Variants in DAPK1 observed in about 807,000 individuals in gnomAD.
DAPK1 encodes death associated protein kinase 1.
Under a neutral mutation model 144.9 loss-of-function variants are expected in DAPK1, and 56 were observed. The ratio of observed to expected loss-of-function variants is 0.39; its 90% confidence interval spans 0.31 to 0.48. The LOEUF is 0.48. Among genes scored for constraint, DAPK1 ranks in the 20% least tolerant of loss-of-function variants. DAPK1 has a pLI of 0.95. For synonymous variants in DAPK1, 690 were observed against 749.0 expected (o/e 0.92, Z 1.29); for missense variants, 1,454 against 1,875.4 (o/e 0.78, Z 4.15).
At chr9:87,695,767 A>T (rs548606159) in intron 21 of DAPK1, among the ~76,000 whole-genome samples, 3 of 152,238 alleles carry the variant, frequency 2.0e-5, no homozygotes, top group Admixed American at 2.0e-4. Flanking sequence ...GTCCCTGTTG[A>T]GCCAAATTCA....
At chr9:87,661,874 G>A (rs894160874) in intron 18 of DAPK1, among the ~76,000 whole-genome samples, 25 of 152,050 alleles carry the variant, frequency 1.6e-4, no homozygotes, top group Admixed American at 2.6e-4. Context: ...ATGCTTTTGA[G>A]GTCTTAGTCA....
At chr9:87,691,156 T>G (rs1453441790) in intron 21 of DAPK1, among the ~76,000 whole-genome samples, 1 of 152,036 alleles carries the variant, frequency 6.6e-6, no homozygotes, top group African/African-American at 2.4e-5. Flanking sequence ...GGCTTTTTAA[T>G]ACCAGTTCAA....
At chr9:87,535,207 C>CT (rs1404976990) in intron 2 of DAPK1, among the ~76,000 whole-genome samples, 2 of 152,008 alleles carry the variant, frequency 1.3e-5, no homozygotes, top group African/African-American at 2.4e-5. Context: ...TCACCTCTGG[C>CT]TTGAGAACTG....
At chr9:87,500,886 A>C (rs765773127) in intron 2 of DAPK1, among the ~76,000 whole-genome samples, 12 of 152,186 alleles carry the variant, frequency 7.9e-5, no homozygotes, top group Non-Finnish European at 1.6e-4. Context: ...GCTCTGAAAA[A>C]CTGGAAGTCT....
rs764469444 is a variant in DAPK1, at chr9:87,668,630, G to C, written c.1957G>C (p.Glu653Gln). 2 of 1,487,022 alleles carry C rather than the reference G, an allele frequency of 1.3e-6. No individual in the cohort carries two copies. The highest frequency in any genetic ancestry group is 2.3e-5 in the South Asian group (2 of 88,636). 92.1% of individuals were successfully genotyped at this position (1,487,022 alleles called of 1,614,324 possible). ...GACGGCAGAAGATCTTGCTAGATCG[G>C]AACAGCACGAGCACGTAGCAGGTCT... ...GKTAEDLARS[E>Q]QHEHVAGLLA... Residue 653 changes from glutamate (E) to glutamine (Q), a missense_variant, in exon 19 of 26, where the codon GAA (glutamate) becomes CAA (glutamine). Glu to Gln is a conservative substitution (Grantham distance 29). Transcript: ENST00000408954.
At chr9:87,687,365 C>T (rs924168191) in intron 21 of DAPK1, among the ~76,000 whole-genome samples, 2 of 152,196 alleles carry the variant, frequency 1.3e-5, no homozygotes, top group African/African-American at 4.8e-5. Context: ...TTAGCTCCCA[C>T]ATGTGAATGA....
chr9:87,556,641 G>A (rs969439477), intron 2 of DAPK1, among the ~76,000 whole-genome samples: 5 of 152,170 alleles, frequency 3.3e-5, no homozygotes, highest in Non-Finnish European at 7.3e-5. Flanking sequence ...TCACAGAGCA[G>A]GGTTTGGTCT....
At chr9:87,553,067 T>C (rs1165946896) in intron 2 of DAPK1, among the ~76,000 whole-genome samples, 1 of 152,240 alleles carries the variant, frequency 6.6e-6, no homozygotes, top group Admixed American at 6.5e-5. Flanking sequence ...TCCTAGCCCC[T>C]GGCAATTACC....
At position 87,586,701 on chromosome 9, in the gene DAPK1, G is replaced by A. The variant is rs549299884; in HGVS notation, c.63-18253G>A. On this transcript the variant is annotated intron_variant, in intron 2 of 25. Coordinates refer to ENST00000408954, the MANE Select transcript of DAPK1 (RefSeq NM_004938.4). Reference sequence around the variant, plus strand: ...GGGAAGTTAGAATTTTGGAACCAGTGCGAAGTTCATTTTCATATGTTTTAT... The same window carrying A: ...GGGAAGTTAGAATTTTGGAACCAGTACGAAGTTCATTTTCATATGTTTTAT... Among the ~76,000 whole-genome samples, 7 of 152,276 alleles carry A rather than the reference G, an allele frequency of 4.6e-5. No homozygotes were observed. In the South Asian group the frequency reaches 1.5e-3, roughly 32 times the overall value.
rs546405532 is a variant in DAPK1, at chr9:87,602,647, C to G, written c.63-2307C>G. Among the ~76,000 whole-genome samples the G allele has an allele frequency of 4.6e-5, 7 of 151,646 alleles. No homozygotes were observed. In the South Asian group the frequency reaches 1.2e-3, roughly 27 times the overall value. On this transcript the variant is annotated intron_variant, in intron 2 of 25. Coordinates refer to ENST00000408954, the MANE Select transcript of DAPK1 (RefSeq NM_004938.4). Reference sequence around the variant, plus strand: ...CTTTTTTCTTTTTTTTTTCTTTTTCCCCCTGAGACGGAGTTTTGCTCTGTC... The same window carrying G: ...CTTTTTTCTTTTTTTTTTCTTTTTCGCCCTGAGACGGAGTTTTGCTCTGTC...
At chr9:87,569,775 G>A (rs1827266161) in intron 2 of DAPK1, among the ~76,000 whole-genome samples, 1 of 152,196 alleles carries the variant, frequency 6.6e-6, no homozygotes, top group Admixed American at 6.5e-5. Flanking sequence ...TTGGCTGGAA[G>A]GGTGGTTTAT....
At chr9:87,561,292 C>A (rs923357705) in intron 2 of DAPK1, among the ~76,000 whole-genome samples, 2 of 152,040 alleles carry the variant, frequency 1.3e-5, no homozygotes, top group Non-Finnish European at 2.9e-5. Flanking sequence ...TTTGGGAGGC[C>A]AAGGCGGGCG....
At chr9:87,656,285 G>A (rs989507365) in intron 17 of DAPK1, among the ~76,000 whole-genome samples, 4 of 152,228 alleles carry the variant, frequency 2.6e-5, no homozygotes, top group Admixed American at 1.3e-4. Context: ...AGCTGGAGAC[G>A]TTGGGTCCAG....
At chr9:87,509,084 G>C (rs1251138911) in intron 2 of DAPK1, among the ~76,000 whole-genome samples, 1 of 152,184 alleles carries the variant, frequency 6.6e-6, no homozygotes, top group Non-Finnish European at 1.5e-5. Context: ...ATGAAAGGCT[G>C]CAACCTTTGG....
chr9:87,645,635 G>A (rs1024683570), intron 11 of DAPK1, among the ~76,000 whole-genome samples: 3 of 152,128 alleles, frequency 2.0e-5, no homozygotes, highest in Admixed American at 2.0e-4. Context: ...TTTGAAATCT[G>A]GATCTTGGAC....
At chr9:87,572,537 G>A (rs1198639361) in intron 2 of DAPK1, among the ~76,000 whole-genome samples, 1 of 152,122 alleles carries the variant, frequency 6.6e-6, no homozygotes, top group Non-Finnish European at 1.5e-5. Flanking sequence ...ATGAGGGTAG[G>A]TTACTCCTGG....
At chr9:87,685,722 T>C (rs948890180) in intron 20 of DAPK1, among the ~76,000 whole-genome samples, 1 of 152,234 alleles carries the variant, frequency 6.6e-6, no homozygotes, top group Non-Finnish European at 1.5e-5. Flanking sequence ...AGTTCACCAT[T>C]GTTTACATAA....
At position 87,706,327 on chromosome 9, in the gene DAPK1, G is replaced by A. The variant is rs769252894; in HGVS notation, c.3256G>A (p.Asp1086Asn). The change falls in exon 26 of 26, where the codon GAT becomes AAT. Residue 1086 changes from aspartate to asparagine, a missense_variant. Physicochemically the swap from Asp to Asn is conservative, Grantham distance 23. Transcript: ENST00000408954. The surrounding 1 kb of genome is among the most constrained non-coding windows in gnomAD (Gnocchi z 9.0). ...CGTGGAGGAGCTGCTGCAGATCCTCGATGCCATGGACATCTGCGCCCGGGA... is the reference window on the plus strand; with the variant it reads ...CGTGGAGGAGCTGCTGCAGATCCTCAATGCCATGGACATCTGCGCCCGGGA... ...SDVEELLQIL[D>N]AMDICARDLS... 7 of 1,607,100 alleles carry A rather than the reference G, an allele frequency of 4.4e-6. No individual in the cohort carries two copies. The highest frequency in any genetic ancestry group is 2.7e-5 in the African/African-American group (2 of 74,762).
chr9:87,571,324 G>A (rs1042053673), intron 2 of DAPK1, among the ~76,000 whole-genome samples: 24 of 151,846 alleles, frequency 1.6e-4, no homozygotes, highest in Non-Finnish European at 1.5e-4. Flanking sequence ...CTGTGAAATT[G>A]TAATCATGGG....
Sources: allele counts gnomAD v4.1 joint callset (sites outside exome capture counted in the v4.1 genomes callset), GRCh38; gene constraint gnomAD v4.1.1; non-coding constraint Gnocchi (gnomAD v3.1); transcripts MANE v1.5; gene names NCBI Gene and HGNC (gene_info 2026-07-23, HGNC 2026-07-21).